The following BTAF1 variants were observed in gnomAD, a reference collection of about 807,000 sequenced individuals.
The protein encoded by BTAF1 is TATA-binding protein-associated factor 172.
Under a neutral mutation model 227.1 loss-of-function variants are expected in BTAF1, and 38 were observed. The observed-to-expected ratio is 0.17, with a 90% CI of 0.13 to 0.22. BTAF1 has a LOEUF of 0.22. Ranked by LOEUF, BTAF1 falls within the 10% of genes least tolerant of loss-of-function variation. The probability of loss-of-function intolerance (pLI) is 1.00; values close to 1 mark genes in which losing one functional copy is unlikely to be tolerated. For missense variants in BTAF1, 1,598 were observed against 2,204.0 expected, an observed-to-expected ratio of 0.73 and a Z score of 5.51; for synonymous variants, 742 against 751.9, an observed-to-expected ratio of 0.99 and a Z score of 0.21.
At chr10:91,989,932 A>T (rs919456376) in intron 20 of BTAF1, among the ~76,000 whole-genome samples, 15 of 152,080 alleles carry the variant, frequency 9.9e-5, no homozygotes, top group African/African-American at 3.6e-4. Flanking sequence ...TATTTAATGA[A>T]TTTTTTTTCC....
intron 2 of BTAF1, 143 bp downstream of exon 2, chr10:91,935,923 CTT>C (rs879769899): frequency 1.3e-3 from 751 of 594,296 alleles, no homozygotes; most frequent in South Asian, 1.7e-3. Flanking sequence ...AAGACTTAAA[CTT>C]TTTTTTTTTT....
At chr10:91,939,048 ACTG>A (rs1844831267) in intron 2 of BTAF1, among the ~76,000 whole-genome samples, 1 of 150,758 alleles carries the variant, frequency 6.6e-6, no homozygotes, top group Non-Finnish European at 1.5e-5. Flanking sequence ...ATAGTATATT[ACTG>A]TTGTAACAAT....
intron 12 of BTAF1, 151 bp from the exon 13 acceptor site, chr10:91,963,926 C>A: frequency 1.4e-6 from 1 of 731,876 alleles, no homozygotes; most frequent in Non-Finnish European, 2.2e-6. Context: ...AATAGTGTGA[C>A]CTCCTTAACT....
rs889342392 is a variant in BTAF1 at position 91,959,555 on chromosome 10, GTTTAATA to G, written c.991-227_991-221del. Among the ~76,000 whole-genome samples, 175 of 151,996 alleles carry G rather than the reference GTTTAATA, an allele frequency of 1.2e-3. 1 individual carries two copies. Among genetic ancestry groups the G allele is most frequent in the African/African-American group, 4.1e-3 (169 of 41,492 alleles). On this transcript the variant is annotated intron_variant, in intron 9 of 37. Coordinates refer to ENST00000265990, the MANE Select transcript of BTAF1 (RefSeq NM_003972.3). ...AATGATCAAAGGGGATATGAGATAT[GTTTAATA>G]TTAAAGACATTAATTGGGACTATTC...
rs188159734 is a variant in BTAF1 at position 91,976,432 on chromosome 10, G to C, written c.1651-4022G>C. Among the ~76,000 whole-genome samples, 20 of 152,246 alleles carry C rather than the reference G, an allele frequency of 1.3e-4. No individual in the cohort carries two copies. In the East Asian group the frequency reaches 3.7e-3, roughly 28 times the overall value. On this transcript the variant is annotated intron_variant, in intron 14 of 37. Transcript: ENST00000265990. ...CTCTAGCTCTGGAGGTGGGGAGCAG[G>C]AGGCAGTCTGAAATTTTTTAGCCCT...
chr10:91,981,180 T>G (rs1386784586), intron 15 of BTAF1, among the ~76,000 whole-genome samples: 1 of 152,156 alleles, frequency 6.6e-6, no homozygotes, highest in East Asian at 1.9e-4. Context: ...GAAAGGTACC[T>G]TATCCTTATT....
Position 91,982,076 on chromosome 10 carries a change from T to C in BTAF1, c.1906-7T>C. 1.2e-6 allele frequency: 2 copies of C among 1,607,348 alleles called. No individual in the cohort carries two copies. The highest frequency in any genetic ancestry group is 1.1e-5 in the South Asian group (1 of 89,610). Reference sequence around the variant, plus strand: ...CTTTATTGTTTTTTTTTCCCCTCCCTCTGTAGGAAAAAACAGGTGGTAAGG... The same window carrying C: ...CTTTATTGTTTTTTTTTCCCCTCCCCCTGTAGGAAAAAACAGGTGGTAAGG... On this transcript the variant is annotated splice_polypyrimidine_tract_variant and splice_region_variant and intron_variant, in intron 16 of 37. Transcript: ENST00000265990.
intron 7 of BTAF1, 27 bp from the exon 8 acceptor site, chr10:91,957,198 A>G (rs1418015922): frequency 1.3e-6 from 2 of 1,582,328 alleles, no homozygotes; most frequent in South Asian, 1.1e-5. Flanking sequence ...CTTTTGAACT[A>G]GTAGTAATTC....
rs546085918 is a variant in BTAF1, at chr10:91,941,961, A to G, written c.254-461A>G. The stretch of plus-strand genomic sequence containing the variant: ...TAAACCCACAGTAGCTTTTCTACTT[A>G]CTACACTTTTACTTTTCTCAAAATA... On this transcript the variant is annotated intron_variant, in intron 3 of 37. Coordinates refer to ENST00000265990, the MANE Select transcript of BTAF1 (RefSeq NM_003972.3). Among the ~76,000 whole-genome samples the G allele has an allele frequency of 1.1e-3, 170 of 152,278 alleles. No individual in the cohort carries two copies. The South Asian group carries it at 0.013, about 12-fold the overall frequency.
In BTAF1 at chr10:91,984,246, A is replaced by G; in HGVS notation, c.2269A>G (p.Ile757Val). The stretch of plus-strand genomic sequence containing the variant: ...AGCTGTGCAGCCGCGTTTACTTGAT[A>G]TCCTTTCAGAACATTTATATTATGA... ...TLAVQPRLLDILSEHLYYDEI... is the reference protein window; with the variant it reads ...TLAVQPRLLDVLSEHLYYDEI... The change falls in exon 19 of 38, where the codon ATC becomes GTC. Residue 757 changes from isoleucine to valine, a missense_variant. By Grantham distance (29) the Ile-to-Val change is conservative. Coordinates refer to ENST00000265990, the MANE Select transcript of BTAF1 (RefSeq NM_003972.3). 6.2e-7 allele frequency: 1 copy of G among 1,613,984 alleles called. No homozygotes were observed. Among genetic ancestry groups the G allele is most frequent in the African/African-American group, 1.3e-5 (1 of 75,048 alleles).
At chr10:91,976,677 C>G (rs1327885945) in intron 14 of BTAF1, among the ~76,000 whole-genome samples, 1 of 152,122 alleles carries the variant, frequency 6.6e-6, no homozygotes, top group African/African-American at 2.4e-5. Flanking sequence ...AAAAAAATTT[C>G]TTATATTACA....
intron 25 of BTAF1, among the ~76,000 whole-genome samples, chr10:92,003,808 T>A (rs1383855876): frequency 6.6e-6 from 1 of 152,204 alleles, no homozygotes; most frequent in Non-Finnish European, 1.5e-5. Flanking sequence ...TATTTTTAAT[T>A]TTTTGAGTAA....
intron 1 of BTAF1, among the ~76,000 whole-genome samples, chr10:91,927,488 A>G (rs1334708953): frequency 2.6e-5 from 4 of 152,170 alleles, no homozygotes; most frequent in African/African-American, 9.7e-5. Flanking sequence ...CCTATCAGTC[A>G]TAATATTTAT....
chr10:91,927,338 A>G (rs963076217), intron 1 of BTAF1, among the ~76,000 whole-genome samples: 1 of 151,968 alleles, frequency 6.6e-6, no homozygotes, highest in African/African-American at 2.4e-5. Flanking sequence ...GGGTTTCTCC[A>G]TGTTGGTCAG....
At chr10:92,014,903 G>A (rs1237627104) in intron 32 of BTAF1, among the ~76,000 whole-genome samples, 1 of 152,186 alleles carries the variant, frequency 6.6e-6, no homozygotes, top group Non-Finnish European at 1.5e-5. Context: ...ACTGAGTACT[G>A]TAGGCAGTTG....
intron 23 of BTAF1, 42 bp downstream of exon 23, chr10:91,994,686 A>G (rs1443170725): frequency 6.7e-7 from 1 of 1,500,278 alleles, no homozygotes; most frequent in Admixed American, 1.7e-5. Context: ...CAAATAAAAC[A>G]AGTGGTCTTA....
chr10:91,974,185 C>A (rs1007672851), intron 14 of BTAF1, among the ~76,000 whole-genome samples: 10 of 152,178 alleles, frequency 6.6e-5, no homozygotes, highest in Non-Finnish European at 8.8e-5. Flanking sequence ...TCAGACTTGG[C>A]TATAGCTCAG....
intron 19 of BTAF1, 149 bp from the exon 20 acceptor site, chr10:91,989,005 T>C (rs1184533226): frequency 1.6e-6 from 1 of 607,158 alleles, no homozygotes; most frequent in East Asian, 2.9e-5. Flanking sequence ...TGGGAAGTTT[T>C]AGACATTAGT....
intron 33 of BTAF1, among the ~76,000 whole-genome samples, chr10:92,017,156 G>A (rs1335601226): frequency 1.3e-5 from 2 of 152,184 alleles, no homozygotes; most frequent in Admixed American, 6.5e-5. Context: ...GTAAGACAAA[G>A]CCAATAATGT....
Sources: allele counts gnomAD v4.1 joint callset (sites outside exome capture counted in the v4.1 genomes callset), GRCh38; gene constraint gnomAD v4.1.1; transcripts MANE v1.5; gene names NCBI Gene and HGNC (gene_info 2026-07-23, HGNC 2026-07-21).